OSBPL9: variants seen among roughly 807,000 people sequenced by gnomAD.
OSBPL9 encodes the protein oxysterol-binding protein-related protein 9.
In OSBPL9, 40 loss-of-function variants were observed where a neutral mutation model predicts 106.6. The observed-to-expected ratio is 0.38, with a 90% CI of 0.29 to 0.49. OSBPL9 has a LOEUF of 0.49. OSBPL9 is among the 20% of genes least tolerant of loss of function. The pLI is 0.97. For synonymous variants in OSBPL9, 269 were observed against 295.4 expected (o/e 0.91, Z 0.92); for missense variants, 609 against 887.2 (o/e 0.69, Z 3.98).
chr1:51,630,959 A>G (rs567356813), intron 1 of OSBPL9, among the ~76,000 whole-genome samples: 45 of 152,318 alleles, frequency 3.0e-4, no homozygotes, highest in African/African-American at 1.1e-3. Context: ...TAAAAATACA[A>G]CTGCCCAATG....
intron 1 of OSBPL9, among the ~76,000 whole-genome samples, chr1:51,583,927 G>A (rs542788129): frequency 1.2e-4 from 18 of 152,190 alleles, no homozygotes; most frequent in African/African-American, 4.1e-4. Context: ...GTTTCTGCCT[G>A]ATTTTGGACT....
At chr1:51,535,743 G>C in the OSBPL9 span, among the ~76,000 whole-genome samples, 1 of 151,764 alleles carries the variant, frequency 6.6e-6, no homozygotes, top group Non-Finnish European at 1.5e-5. Flanking sequence ...TTTTAGTAGA[G>C]ACAGAGTTTC....
intron 1 of OSBPL9, among the ~76,000 whole-genome samples, chr1:51,646,487 A>G (rs1457611122): frequency 2.6e-5 from 4 of 152,198 alleles, no homozygotes; most frequent in African/African-American, 9.6e-5. Context: ...TGGTGAGCTC[A>G]TTTATTAGCT....
intron 1 of OSBPL9, among the ~76,000 whole-genome samples, chr1:51,650,324 TG>T (rs1449581107): frequency 1.3e-5 from 2 of 152,212 alleles, no homozygotes; most frequent in Non-Finnish European, 2.9e-5. Flanking sequence ...ATTCTTACCT[TG>T]TTTGGGTTAA....
At chr1:51,770,997 G>A (rs1228522023) in intron 12 of OSBPL9, among the ~76,000 whole-genome samples, 2 of 152,106 alleles carry the variant, frequency 1.3e-5, no homozygotes, top group Admixed American at 1.3e-4. Flanking sequence ...AGGCTCATTG[G>A]TTGTAAGAAA....
the OSBPL9 span, chr1:51,561,859 G>A: frequency 1.3e-5 from 2 of 152,172 alleles, no homozygotes; most frequent in Admixed American, 1.3e-4. Context: ...AGAGACTGTG[G>A]CTCAGTGGCT....
chr1:51,783,821 T>C, intron 17 of OSBPL9, 94 bp from the exon 18 acceptor site: 1 of 926,296 alleles, frequency 1.1e-6, no homozygotes, highest in East Asian at 2.6e-5. Context: ...GGGTAAAGGA[T>C]TTCCCCATGA....
intron 15 of OSBPL9, among the ~76,000 whole-genome samples, chr1:51,777,539 A>T (rs1372573757): frequency 6.6e-6 from 1 of 152,162 alleles, no homozygotes; most frequent in East Asian, 1.9e-4. Flanking sequence ...TCTTCTCTGC[A>T]TTCCTTAGTC....
chr1:51,717,673 G>A (rs1043067199), intron 4 of OSBPL9, among the ~76,000 whole-genome samples: 2 of 147,038 alleles, frequency 1.4e-5, no homozygotes, highest in African/African-American at 5.1e-5. Context: ...CAGTTAAAAT[G>A]GCTTTTTTTT....
chr1:51,557,028 G>A, the OSBPL9 span, among the ~76,000 whole-genome samples: 3 of 151,924 alleles, frequency 2.0e-5, no homozygotes, highest in Non-Finnish European at 4.4e-5. Context: ...TTACCCTGAT[G>A]TGATTATTAC....
At chr1:51,767,391 C>CT (rs1478402547) in intron 12 of OSBPL9, among the ~76,000 whole-genome samples, 2 of 142,874 alleles carry the variant, frequency 1.4e-5, no homozygotes, top group South Asian at 2.2e-4. Flanking sequence ...GAGACTCTGT[C>CT]TTAAAAAAAA....
At chr1:51,737,592 T>A (rs1166727345) in intron 4 of OSBPL9, among the ~76,000 whole-genome samples, 5 of 150,184 alleles carry the variant, frequency 3.3e-5, no homozygotes, top group African/African-American at 1.2e-4. Flanking sequence ...GTACATTTTT[T>A]AAAATGAAAC....
chr1:51,622,091 T>C (rs186331831), intron 1 of OSBPL9, among the ~76,000 whole-genome samples: 80 of 152,212 alleles, frequency 5.3e-4, no homozygotes, highest in Middle Eastern at 3.4e-3. Flanking sequence ...GATTTAGTGA[T>C]TGGATGTGAG....
the OSBPL9 span, among the ~76,000 whole-genome samples, chr1:51,528,765 CAG>C: frequency 6.6e-6 from 1 of 151,976 alleles, no homozygotes; most frequent in Admixed American, 6.6e-5. Context: ...CCCAGCTCCT[CAG>C]GGGGCTAACG....
intron 3 of OSBPL9, among the ~76,000 whole-genome samples, chr1:51,680,467 C>T (rs932738629): frequency 1.1e-4 from 17 of 151,350 alleles, no homozygotes; most frequent in Non-Finnish European, 2.4e-4. Context: ...CCAGCCTAGC[C>T]AACATGGTGA....
intron 14 of OSBPL9, among the ~76,000 whole-genome samples, chr1:51,773,941 C>CTCTGTTGTTGTTGTTGTT (rs901406229): frequency 8.0e-4 from 119 of 149,084 alleles, no homozygotes; most frequent in African/African-American, 2.7e-3. Flanking sequence ...CAGCTGCTGG[C>CTCTGTTGTTGTTGTTGTT]GTTGTTGTTG....
chr1:51,664,089 T>C (rs1647813245), intron 2 of OSBPL9, among the ~76,000 whole-genome samples: 1 of 152,228 alleles, frequency 6.6e-6, no homozygotes, highest in South Asian at 2.1e-4. Flanking sequence ...ACCTGATATA[T>C]GCATATCCTG....
At chr1:51,518,496 A>C in the OSBPL9 span, 1 of 152,970 alleles carries the variant, frequency 6.5e-6, no homozygotes, top group African/African-American at 2.4e-5. Flanking sequence ...GGGTGGCAAA[A>C]GGCTGCATTG....
chr1:51,761,884 A>G lies in OSBPL9; in HGVS notation c.691A>G (p.Lys231Glu). ...VLPPEPVQLC[K>E]SEQRPSSLPV... ...TCTCCTAGAACCTGTTCAGTTGTGT[A>G]AGTCAGAGCAGCGTCCATCTTCCCT... Residue 231 changes from lysine (K) to glutamate (E), a missense_variant, in exon 11 of 24, where the codon AAG becomes GAG. Physicochemically the swap from Lys to Glu is moderately conservative, Grantham distance 56. Coordinates refer to ENST00000428468, the MANE Select transcript of OSBPL9 (RefSeq NM_024586.6). 1.2e-6 allele frequency: 2 copies of G among 1,613,394 alleles called. No homozygotes were observed. Among genetic ancestry groups the G allele is most frequent in the Non-Finnish European group, 8.5e-7 (1 of 1,179,386 alleles).
Sources: allele counts gnomAD v4.1 joint callset (sites outside exome capture counted in the v4.1 genomes callset), GRCh38; gene constraint gnomAD v4.1.1; transcripts MANE v1.5; gene names NCBI Gene and HGNC (gene_info 2026-07-23, HGNC 2026-07-21).